TSPAN9: variants seen among roughly 807,000 people sequenced by gnomAD.
TSPAN9 encodes the protein tetraspanin-9.
In TSPAN9, 16 loss-of-function variants were observed where a neutral mutation model predicts 31.0. The observed-to-expected ratio is 0.52, with a 90% CI of 0.35 to 0.78. TSPAN9 has a LOEUF of 0.78. Among genes scored for constraint, TSPAN9 ranks in the 30% least tolerant of loss-of-function variants. The probability of loss-of-function intolerance (pLI) is 0.01; values close to 1 mark genes in which losing one functional copy is unlikely to be tolerated. For missense variants in TSPAN9, 272 were observed against 312.5 expected (o/e 0.87, Z 0.98); for synonymous variants, 145 against 121.6 (o/e 1.19, Z -1.27).
intron 3 of TSPAN9, among the ~76,000 whole-genome samples, chr12:3,205,116 A>C (rs1489156976): frequency 7.1e-6 from 1 of 140,020 alleles, no homozygotes; most frequent in Non-Finnish European, 1.6e-5. Context: ...TCTGATGTGG[A>C]GGGGTGGGGG....
chr12:3,121,570 G>A (rs1425832044), intron 2 of TSPAN9, among the ~76,000 whole-genome samples: 1 of 114,650 alleles, frequency 8.7e-6, no homozygotes, highest in East Asian at 2.7e-4. Flanking sequence ...TAGAGACAAG[G>A]CCTCACTATG....
intron 1 of TSPAN9, among the ~76,000 whole-genome samples, chr12:3,079,393 C>G (rs1019619884): frequency 1.4e-4 from 21 of 152,338 alleles, no homozygotes; most frequent in African/African-American, 4.8e-4. Context: ...AACTTGAACC[C>G]TGGCTTCTGA....
chr12:3,218,346 T>C (rs559442558), intron 3 of TSPAN9, among the ~76,000 whole-genome samples: 3 of 152,226 alleles, frequency 2.0e-5, no homozygotes, highest in African/African-American at 7.2e-5. Context: ...GCGTGTTCTC[T>C]GCTTTTAGGA....
chr12:3,088,878 C>T (rs10848791), intron 2 of TSPAN9, among the ~76,000 whole-genome samples: 66,418 of 151,148 alleles, frequency 0.44, 17,804 homozygotes, highest in African/African-American at 0.76. Context: ...GCAGCTCAGG[C>T]GCGGGAGGCT....
At chr12:3,198,882 T>TCACCACCAGCACAGGCCACCACCAG (rs2098369458) in intron 2 of TSPAN9, among the ~76,000 whole-genome samples, 2 of 58,126 alleles carry the variant, frequency 3.4e-5, no homozygotes, top group South Asian at 8.1e-4. Context: ...CCAGCACAGG[T>TCACCACCAGCACAGGCCACCACCAG]CACCATCAGC....
intron 2 of TSPAN9, among the ~76,000 whole-genome samples, chr12:3,154,221 G>A (rs2098341199): frequency 6.6e-6 from 1 of 152,312 alleles, no homozygotes; most frequent in East Asian, 1.9e-4. Flanking sequence ...GTTTAGCTGA[G>A]ATCTTGGCCC....
intron 3 of TSPAN9, among the ~76,000 whole-genome samples, chr12:3,252,286 C>T (rs1862257296): frequency 6.6e-6 from 1 of 152,188 alleles, no homozygotes; most frequent in African/African-American, 2.4e-5. Context: ...AGCCTCTGGC[C>T]AGGCTTCGTG....
chr12:3,128,044 G>A (rs1452967292), intron 2 of TSPAN9, among the ~76,000 whole-genome samples: 1 of 152,184 alleles, frequency 6.6e-6, no homozygotes, highest in East Asian at 1.9e-4. Flanking sequence ...TGGGCGGTAG[G>A]AATTTTTCAG....
At chr12:3,181,101 C>T (rs1171128314) in intron 2 of TSPAN9, among the ~76,000 whole-genome samples, 4 of 151,974 alleles carry the variant, frequency 2.6e-5, no homozygotes, top group Non-Finnish European at 4.4e-5. Flanking sequence ...AGAGAAGACT[C>T]GGGGCCCATG....
chr12:3,132,271 T>C (rs970620225), intron 2 of TSPAN9, among the ~76,000 whole-genome samples: 1 of 152,192 alleles, frequency 6.6e-6, no homozygotes, highest in Non-Finnish European at 1.5e-5. Context: ...TGCAATTCTT[T>C]TGAGCATATA....
At chr12:3,219,710 G>T (rs191054695) in intron 3 of TSPAN9, among the ~76,000 whole-genome samples, 14 of 152,270 alleles carry the variant, frequency 9.2e-5, no homozygotes, top group East Asian at 1.9e-4. Flanking sequence ...GGCCTGTCGG[G>T]GGGTGAGGAG....
intron 2 of TSPAN9, among the ~76,000 whole-genome samples, chr12:3,115,111 A>G (rs2098321558): frequency 7.3e-6 from 1 of 137,348 alleles, no homozygotes; most frequent in East Asian, 2.2e-4. Flanking sequence ...TGAGTCAACC[A>G]TTAATGTATC....
intron 3 of TSPAN9, among the ~76,000 whole-genome samples, chr12:3,202,722 G>A (rs995503648): frequency 6.6e-6 from 1 of 152,172 alleles, no homozygotes; most frequent in Non-Finnish European, 1.5e-5. Flanking sequence ...GCTTTTCCAA[G>A]GAGACTGGTT....
At chr12:3,091,501 C>T (rs12820016) in intron 2 of TSPAN9, among the ~76,000 whole-genome samples, 40,858 of 152,110 alleles carry the variant, frequency 0.27, 5,723 homozygotes, top group Middle Eastern at 0.35. Context: ...TTAGAGGATG[C>T]TACAGTGGAG....
intron 2 of TSPAN9, among the ~76,000 whole-genome samples, chr12:3,163,090 C>T (rs568808173): frequency 3.0e-4 from 45 of 152,340 alleles, no homozygotes; most frequent in African/African-American, 1.0e-3. Context: ...ACAGAGCACT[C>T]CCATGCTTGT....
intron 2 of TSPAN9, among the ~76,000 whole-genome samples, chr12:3,088,453 G>A (rs983291583): frequency 3.9e-5 from 6 of 152,080 alleles, no homozygotes; most frequent in Non-Finnish European, 1.5e-5. Context: ...GGGTGGGGCT[G>A]GGGGGGAAGC....
intron 3 of TSPAN9, among the ~76,000 whole-genome samples, chr12:3,251,134 G>A (rs1775802228): frequency 6.6e-6 from 1 of 152,218 alleles, no homozygotes; most frequent in Non-Finnish European, 1.5e-5. Context: ...GGCACTGTGG[G>A]CTACTTAGAA....
chr12:3,273,126 G>A (rs1360187790), intron 3 of TSPAN9: 2 of 152,192 alleles, frequency 1.3e-5, no homozygotes, highest in Non-Finnish European at 2.9e-5. Flanking sequence ...GTCAGGGCAC[G>A]GCCCAGACCA....
intron 3 of TSPAN9, among the ~76,000 whole-genome samples, chr12:3,216,311 G>A (rs1270251161): frequency 1.3e-5 from 2 of 152,212 alleles, no homozygotes; most frequent in East Asian, 1.9e-4. Context: ...CCTTCCAGAT[G>A]TGGGAGTAGG....
Sources: gnomAD v4.1 joint callset for allele counts (sites outside exome capture counted in the v4.1 genomes callset) on GRCh38, gnomAD v4.1.1 for gene constraint, MANE v1.5 for transcripts, NCBI Gene and HGNC (gene_info 2026-07-23, HGNC 2026-07-21) for gene names.